The following BTBD8 variants were observed in gnomAD, a reference collection of about 807,000 sequenced individuals.
BTBD8 encodes the protein BTB/POZ domain-containing protein 8.
BTBD8 carries 110 observed loss-of-function variants against 162.9 expected under a neutral mutation model. The observed-to-expected ratio is 0.68, with a 90% CI of 0.58 to 0.79. BTBD8 has a LOEUF of 0.79. Among genes scored for constraint, BTBD8 ranks in the 30% least tolerant of loss-of-function variants. The pLI is 0.00. For synonymous variants in BTBD8, 667 were observed against 716.1 expected (o/e 0.93, Z 1.10); for missense variants, 1,905 against 2,085.4 (o/e 0.91, Z 1.68).
chr1:92,108,767 T>G (rs1020296036), intron 4 of BTBD8, among the ~76,000 whole-genome samples: 1 of 152,174 alleles, frequency 6.6e-6, no homozygotes, highest in Non-Finnish European at 1.5e-5. Context: ...ACCAGAAAAC[T>G]TAGGAACCCA....
intron 2 of BTBD8, among the ~76,000 whole-genome samples, chr1:92,099,910 A>G (rs1401688608): frequency 6.6e-6 from 1 of 152,194 alleles, no homozygotes; most frequent in Non-Finnish European, 1.5e-5. Flanking sequence ...AATGTTGAAT[A>G]GAAGTGGTAA....
chr1:92,147,307 G>A (rs1204850763), intron 8 of BTBD8, 39 bp downstream of exon 8: 2 of 1,524,504 alleles, frequency 1.3e-6, no homozygotes, highest in Admixed American at 1.9e-5. Flanking sequence ...ATTAATTTAG[G>A]GATTTTGTTT....
Position 92,181,075 on chromosome 1 carries a change from A to C in BTBD8, c.3392A>C (p.Lys1131Thr). ...ISDRENQVGR[K>T]DTNKQSSIKC... is the part of the protein sequence containing the mutation. ...GATAGGGAGAACCAAGTAGGGAGAA[A>C]AGATACAAACAAACAATCAAGTATT... Residue 1131 changes from lysine to threonine, a missense_variant, in exon 17 of 18, where the codon AAA becomes ACA. By Grantham distance (78) the Lys-to-Thr change is moderately conservative. Transcript: ENST00000636805. 1 of 1,551,708 alleles carries C rather than the reference A, an allele frequency of 6.4e-7. No individual in the cohort carries two copies. Among genetic ancestry groups the C allele is most frequent in the South Asian group, 1.2e-5 (1 of 84,060 alleles).
At chr1:92,125,525 A>C in intron 4 of BTBD8, 1 of 314,968 alleles carries the variant, frequency 3.2e-6, no homozygotes, top group South Asian at 3.0e-5. Flanking sequence ...AGGCACTTGT[A>C]CAGAATTCAG....
Position 92,184,164 on chromosome 1 carries a change from A to C in BTBD8, c.5213A>C (p.Asp1738Ala), listed in dbSNP as rs1651010760. 1 of 1,551,520 alleles carries C rather than the reference A, an allele frequency of 6.4e-7. No homozygotes were observed. The highest frequency in any genetic ancestry group is 1.4e-5 in the African/African-American group (1 of 73,048). Residue 1738 changes from aspartate (D) to alanine (A), a missense_variant, in exon 18 of 18, where the codon GAT (aspartate) becomes GCT (alanine). Asp to Ala is a moderately radical substitution (Grantham distance 126). Around this residue, in one of 3 missense-constraint regions of BTBD8, gnomAD observed 517 missense variants for 606.6 expected, o/e 0.85. Coordinates refer to ENST00000636805, the MANE Select transcript of BTBD8 (RefSeq NM_001376131.1). Reference protein sequence around the residue: ...LINQTLLLARDSSKPQGITHI... With the variant: ...LINQTLLLARASSKPQGITHI... The stretch of plus-strand genomic sequence containing the variant: ...AATCAGACACTACTTTTAGCACGAG[A>C]TAGCTCAAAACCTCAGGGTATAACA...
intron 4 of BTBD8, among the ~76,000 whole-genome samples, chr1:92,123,438 A>G (rs1400731880): frequency 6.6e-6 from 1 of 152,182 alleles, no homozygotes; most frequent in Non-Finnish European, 1.5e-5. Context: ...AAGAATGGTC[A>G]TATTAACAGT....
chr1:92,123,517 T>G (rs1251024676), intron 4 of BTBD8, among the ~76,000 whole-genome samples: 1 of 152,086 alleles, frequency 6.6e-6, no homozygotes, highest in Non-Finnish European at 1.5e-5. Context: ...CCTAGCAGTG[T>G]TTTATGGTTT....
At position 92,117,118 on chromosome 1, in the gene BTBD8, G is replaced by T. The variant is rs187154874; in HGVS notation, c.662+9117G>T. Among the ~76,000 whole-genome samples, 242 of 151,894 alleles carry T rather than the reference G, an allele frequency of 1.6e-3. 2 individuals carry two copies. Among genetic ancestry groups the T allele is most frequent in the African/African-American group, 5.6e-3 (232 of 41,278 alleles). On this transcript the variant is annotated intron_variant, in intron 4 of 17. Transcript: ENST00000636805. ...TTCTGCCTCAGCCTCCCAAATTGCT[G>T]GGATTACAGGTGTGACCTACCATAC...
rs1360943274 is a variant in BTBD8, at chr1:92,184,300, G to A, written c.5349G>A (p.Trp1783Ter). 6.4e-7 allele frequency: 1 copy of A among 1,550,512 alleles called. No individual in the cohort carries two copies. Among genetic ancestry groups the A allele is most frequent in the Non-Finnish European group, 8.7e-7 (1 of 1,146,282 alleles). The change falls in exon 18 of 18, where the codon TGG becomes TGA. Residue 1783 changes from tryptophan to a stop codon, truncating the protein, a stop_gained. Coordinates refer to ENST00000636805, the MANE Select transcript of BTBD8 (RefSeq NM_001376131.1). LOFTEE classifies it high-confidence loss of function. ...AAGATTGTTCGCCTCAAGGCGAGTG[G>A]ACAATTCTGGAACTGGAAACTCAGC... ...SSEDCSPQGE[W>*]TILELETQH
chr1:92,184,155 T>C lies in BTBD8; in HGVS notation c.5204T>C (p.Leu1735Ser). ...TATCTAATCAATCAGACACTACTTTTAGCACGAGATAGCTCAAAACCTCAG... is the reference window on the plus strand; with the variant it reads ...TATCTAATCAATCAGACACTACTTTCAGCACGAGATAGCTCAAAACCTCAG... ...AQYLINQTLL[L>S]ARDSSKPQGI... Residue 1735 changes from leucine (L) to serine (S), a missense_variant, in exon 18 of 18, where the codon TTA becomes TCA. By Grantham distance (145) the Leu-to-Ser change is moderately radical. This residue lies in a region of BTBD8 where 517 missense variants were observed against 606.6 expected (regional missense o/e 0.85). Transcript: ENST00000636805. 1 of 1,551,614 alleles carries C rather than the reference T, an allele frequency of 6.4e-7. No homozygotes were observed. The highest frequency in any genetic ancestry group is 1.2e-5 in the South Asian group (1 of 84,064).
chr1:92,135,325 A>G (rs924125353), intron 5 of BTBD8, among the ~76,000 whole-genome samples: 1 of 152,250 alleles, frequency 6.6e-6, no homozygotes, highest in African/African-American at 2.4e-5. Context: ...AGCTGGGATT[A>G]CAGGCGTGTG....
chr1:92,168,873 C>A lies in BTBD8; in HGVS notation c.1451C>A (p.Thr484Lys), dbSNP rs1294892053. 2 of 1,517,392 alleles carry A rather than the reference C, an allele frequency of 1.3e-6. No homozygotes were observed. Among genetic ancestry groups the A allele is most frequent in the East Asian group, 5.0e-5 (2 of 40,310 alleles). The allele number at this position is 1,517,392 out of a possible 1,614,324, so 94.0% of individuals were successfully genotyped here. A position where few individuals can be genotyped will look rare whatever the true frequency, so the allele number is the denominator to read the frequency against. The change falls in exon 12 of 18, where the codon ACG (threonine) becomes AAG (lysine). Residue 484 changes from threonine (T) to lysine (K), a missense_variant. Around this residue, in one of 3 missense-constraint regions of BTBD8, gnomAD observed 1,374 missense variants for 1,442.7 expected, o/e 0.95. Transcript: ENST00000636805. Reference sequence around the variant, plus strand: ...TTTGTTGCTTGAACACAGGGTTTTACGTGCAAGATCCAGGCTCTGCGTGAT... The same window carrying A: ...TTTGTTGCTTGAACACAGGGTTTTAAGTGCAAGATCCAGGCTCTGCGTGAT... The part of the protein sequence containing the change: ...NSDSTKEMGF[T>K]CKIQALRDKL...
intron 9 of BTBD8, among the ~76,000 whole-genome samples, chr1:92,156,021 A>C (rs1478106084): frequency 2.0e-5 from 3 of 152,182 alleles, no homozygotes; most frequent in Non-Finnish European, 2.9e-5. Flanking sequence ...ATATTAACTT[A>C]AAAGTTTTCA....
rs531670168 is a variant in BTBD8, at chr1:92,146,701, C to T, written c.931-479C>T. Among the ~76,000 whole-genome samples the T allele has an allele frequency of 6.6e-4, 100 of 152,280 alleles. 2 individuals carry two copies. In the South Asian group the frequency reaches 0.021, roughly 31 times the overall value. ...TTCCGGGATGTAATATAGTTGCAATCATACAGTATATAGCCTTTTCAGATT... is the reference window on the plus strand; with the variant it reads ...TTCCGGGATGTAATATAGTTGCAATTATACAGTATATAGCCTTTTCAGATT... On this transcript the variant is annotated intron_variant, in intron 7 of 17. Coordinates refer to ENST00000636805, the MANE Select transcript of BTBD8 (RefSeq NM_001376131.1).
chr1:92,167,769 G>A, intron 10 of BTBD8, 79 bp from the exon 11 acceptor site: 1 of 1,164,634 alleles, frequency 8.6e-7, no homozygotes. Flanking sequence ...TAGTTATAAT[G>A]ATCTGTTACG....
intron 12 of BTBD8, among the ~76,000 whole-genome samples, chr1:92,169,378 CT>C (rs1650471839): frequency 6.6e-6 from 1 of 152,112 alleles, no homozygotes; most frequent in Admixed American, 6.5e-5. Context: ...GCTTTTCCAT[CT>C]TTTTCATAAG....
In BTBD8 at chr1:92,102,906, G is replaced by A. The variant is rs540339552; in HGVS notation, c.544+237G>A. Among the ~76,000 whole-genome samples the A allele has an allele frequency of 2.1e-3, 317 of 152,150 alleles. 3 individuals are homozygous for A. Among genetic ancestry groups the A allele is most frequent in the African/African-American group, 7.4e-3 (308 of 41,510 alleles). On this transcript the variant is annotated intron_variant, in intron 3 of 17. Transcript: ENST00000636805. ...CTCTTTTTAGCCATTATGCCTCTAC[G>A]TTATTGTCCTTATTATAATCTATAC...
chr1:92,182,504 C>G lies in BTBD8; in HGVS notation c.4821C>G (p.Asp1607Glu), dbSNP rs1650944950. ...IPKNSSTKSL[D>E]SFRSQVLPQE... is the part of the protein sequence containing the mutation. ...AGAACAGCTCTACAAAATCTCTAGA[C>G]TCCTTTCGGAGTCAAGTTCTGCCTC... Residue 1607 changes from aspartate to glutamate, a missense_variant, in exon 17 of 18, where the codon GAC becomes GAG. Around this residue, in one of 3 missense-constraint regions of BTBD8, gnomAD observed 517 missense variants for 606.6 expected, o/e 0.85. Coordinates refer to ENST00000636805, the MANE Select transcript of BTBD8 (RefSeq NM_001376131.1). 1 of 1,549,608 alleles carries G rather than the reference C, an allele frequency of 6.5e-7. No homozygotes were observed. Among genetic ancestry groups the G allele is most frequent in the Non-Finnish European group, 8.7e-7 (1 of 1,146,356 alleles).
intron 4 of BTBD8, among the ~76,000 whole-genome samples, chr1:92,119,632 CT>C (rs147430647): frequency 0.015 from 2,140 of 141,898 alleles, 47 homozygotes; most frequent in African/African-American, 0.052. Flanking sequence ...TTTCTTTTTT[CT>C]TTTTTTTTTT....
Sources: gnomAD v4.1 joint callset for allele counts (sites outside exome capture counted in the v4.1 genomes callset) on GRCh38, gnomAD v4.1.1 for gene constraint, gnomAD v4.1.1 regional missense constraint, MANE v1.5 for transcripts, NCBI Gene and HGNC (gene_info 2026-07-23, HGNC 2026-07-21) for gene names.